Variants in DLGAP2 observed in about 807,000 individuals in gnomAD.
DLGAP2 encodes the protein DLG associated protein 2.
In DLGAP2, 26 loss-of-function variants were observed where a neutral mutation model predicts 100.3. The observed-to-expected ratio is 0.26, with a 90% confidence interval of 0.19 to 0.36. DLGAP2 has a LOEUF of 0.36. Among genes scored for constraint, DLGAP2 ranks in the 10% least tolerant of loss-of-function variants. The pLI is 1.00. For missense variants in DLGAP2, 1,858 were observed against 1,453.2 expected (o/e 1.28, Z -4.53); for synonymous variants, 886 against 630.1 (o/e 1.41, Z -6.08).
intron 2 of DLGAP2, among the ~76,000 whole-genome samples, chr8:1,167,884 A>ATTT (rs147051775): frequency 7.9e-5 from 12 of 151,204 alleles, no homozygotes; most frequent in Non-Finnish European, 1.2e-4. Context: ...ACCTGAGTCC[A>ATTT]TTTTTTTTTA....
intron 1 of DLGAP2, among the ~76,000 whole-genome samples, chr8:870,191 G>T (rs1449393395): frequency 6.6e-6 from 1 of 152,056 alleles, no homozygotes; most frequent in African/African-American, 2.4e-5. Context: ...CCAAAATGTG[G>T]ATATTTTCCA....
At chr8:821,114 A>G (rs148135384) in intron 1 of DLGAP2, among the ~76,000 whole-genome samples, 167 of 152,328 alleles carry the variant, frequency 1.1e-3, no homozygotes, top group African/African-American at 3.2e-3. Context: ...GCTTGCTACA[A>G]TAAAAGTCAG....
chr8:791,599 A>T (rs1585866998), intron 1 of DLGAP2, among the ~76,000 whole-genome samples: 1 of 152,212 alleles, frequency 6.6e-6, no homozygotes, highest in Admixed American at 6.5e-5. Context: ...TAACATAAAT[A>T]ATTATGATGT....
At chr8:773,659 C>A (rs1312687840) in intron 1 of DLGAP2, among the ~76,000 whole-genome samples, 2 of 151,710 alleles carry the variant, frequency 1.3e-5, no homozygotes, top group African/African-American at 2.4e-5. Flanking sequence ...CATCCATGTC[C>A]CTACAAAGGA....
chr8:1,547,035 G>A (rs555496726), intron 4 of DLGAP2, among the ~76,000 whole-genome samples: 3 of 152,254 alleles, frequency 2.0e-5, no homozygotes, highest in East Asian at 1.9e-4. Context: ...GTGTGGAGCC[G>A]GGTCTTGGAG....
chr8:914,823 T>A (rs560297351), intron 2 of DLGAP2, among the ~76,000 whole-genome samples: 1 of 152,340 alleles, frequency 6.6e-6, no homozygotes, highest in African/African-American at 2.4e-5. Flanking sequence ...TACTCCTGTT[T>A]TAATGATATA....
At chr8:850,189 G>T (rs1002169862) in intron 1 of DLGAP2, among the ~76,000 whole-genome samples, 2 of 151,922 alleles carry the variant, frequency 1.3e-5, no homozygotes, top group Admixed American at 1.3e-4. Context: ...CCTTTGCGTT[G>T]TCTTTTCATT....
At chr8:1,474,877 C>G (rs543222735) in intron 3 of DLGAP2, among the ~76,000 whole-genome samples, 6 of 152,302 alleles carry the variant, frequency 3.9e-5, no homozygotes, top group African/African-American at 1.4e-4. Flanking sequence ...AATGCTATTA[C>G]TAGGTATATA....
intron 1 of DLGAP2, among the ~76,000 whole-genome samples, chr8:869,749 A>C (rs565200499): frequency 6.6e-6 from 1 of 152,348 alleles, no homozygotes; most frequent in East Asian, 1.9e-4. Context: ...TATTTTGGCA[A>C]GCCTGTTTCC....
intron 2 of DLGAP2, among the ~76,000 whole-genome samples, chr8:1,056,175 G>T (rs2067105331): frequency 6.6e-6 from 1 of 152,320 alleles, no homozygotes; most frequent in African/African-American, 2.4e-5. Flanking sequence ...AAAAATACCC[G>T]TTTGTTCCTG....
chr8:869,191 C>T (rs1159039177), intron 1 of DLGAP2, among the ~76,000 whole-genome samples: 1 of 152,160 alleles, frequency 6.6e-6, no homozygotes, highest in Non-Finnish European at 1.5e-5. Flanking sequence ...CATTTGTTTT[C>T]CCTGTGGTTA....
At chr8:1,116,312 T>C (rs1805116141) in intron 2 of DLGAP2, among the ~76,000 whole-genome samples, 1 of 152,184 alleles carries the variant, frequency 6.6e-6, no homozygotes. Flanking sequence ...ACCAGCTGTG[T>C]CTCAGCCACA....
chr8:1,081,673 ATTGTGTTCCTTT>A (rs1563181675), intron 2 of DLGAP2, among the ~76,000 whole-genome samples: 1 of 152,056 alleles, frequency 6.6e-6, no homozygotes, highest in Non-Finnish European at 1.5e-5. Context: ...AATATTCAAG[ATTGTGTTCCTTT>A]TCTTATTAAT....
chr8:1,339,375 G>A (rs1801367792), intron 3 of DLGAP2, among the ~76,000 whole-genome samples: 1 of 151,878 alleles, frequency 6.6e-6, no homozygotes, highest in South Asian at 2.1e-4. Flanking sequence ...ACTTCAGTAA[G>A]GCGTCAGGAC....
At chr8:1,681,263 T>G (rs889163449) in intron 12 of DLGAP2, among the ~76,000 whole-genome samples, 2 of 152,174 alleles carry the variant, frequency 1.3e-5, no homozygotes, top group African/African-American at 2.4e-5. Context: ...CTGTCATCAT[T>G]TTCCATGTTT....
rs929840804 is a variant in DLGAP2 at position 1,263,749 on chromosome 8, C to A, written c.106+4866C>A. Among the ~76,000 whole-genome samples the A allele has an allele frequency of 3.3e-5, 5 of 152,046 alleles. No individual in the cohort carries two copies. The South Asian group carries it at 8.3e-4, about 25-fold the overall frequency. Reference sequence around the variant, plus strand: ...CATATTGAAGAGCTTAGAAATAACCCCAGCCCTGTTCTCTGCTCTCTGTGG... The same window carrying A: ...CATATTGAAGAGCTTAGAAATAACCACAGCCCTGTTCTCTGCTCTCTGTGG... On this transcript the variant is annotated intron_variant, in intron 3 of 14. Coordinates refer to ENST00000637795, the MANE Select transcript of DLGAP2 (RefSeq NM_001346810.2).
intron 5 of DLGAP2, among the ~76,000 whole-genome samples, chr8:1,557,457 G>A (rs1348125806): frequency 1.3e-5 from 2 of 152,154 alleles, no homozygotes; most frequent in Non-Finnish European, 2.9e-5. Flanking sequence ...GGGGCAGAGG[G>A]CAGGGGTGAG....
chr8:1,683,818 C>G (rs1799022868), intron 12 of DLGAP2, among the ~76,000 whole-genome samples: 1 of 104,270 alleles, frequency 9.6e-6, no homozygotes, highest in Non-Finnish European at 1.9e-5. Context: ...TCCTGATTTT[C>G]CTTGTCTTTG....
intron 1 of DLGAP2, among the ~76,000 whole-genome samples, chr8:881,674 C>T (rs1326132360): frequency 0.012 from 613 of 51,988 alleles, 16 homozygotes; most frequent in African/African-American, 0.035. Context: ...TGAACACACA[C>T]ACACACACTT....
Sources: gnomAD v4.1 joint callset for allele counts (sites outside exome capture counted in the v4.1 genomes callset) on GRCh38, gnomAD v4.1.1 for gene constraint, MANE v1.5 for transcripts, NCBI Gene and HGNC (gene_info 2026-07-23, HGNC 2026-07-21) for gene names.